Variants in SNX4 observed in about 807,000 individuals in gnomAD.
SNX4 encodes sorting nexin-4.
In SNX4, 49 loss-of-function variants were observed where a neutral mutation model predicts 70.8. That is an observed-to-expected ratio of 0.69 (90% confidence interval 0.55 to 0.88). SNX4 has a LOEUF of 0.88. SNX4 is among the 40% of genes least tolerant of loss of function. SNX4 has a pLI of 0.00. For synonymous variants in SNX4, 206 were observed against 183.8 expected, an observed-to-expected ratio of 1.12 and a Z score of -0.98; for missense variants, 528 against 544.8, an observed-to-expected ratio of 0.97 and a Z score of 0.31.
chr3:125,456,984 A>T (rs1232521369), intron 11 of SNX4, among the ~76,000 whole-genome samples: 2 of 151,582 alleles, frequency 1.3e-5, no homozygotes, highest in Non-Finnish European at 2.9e-5. Context: ...TTTTTTTAAA[A>T]CGAAACCGGA....
In SNX4 at chr3:125,476,742, T is replaced by TCG; in HGVS notation, c.739_740dup (p.Leu248AspfsTer22). ...CATGTACTTTATATACACCATAGAG[T>TCG]CGATCTGCTACTCTCTGAAATAAAT... On this transcript the variant is annotated frameshift_variant, in exon 8 of 14. Coordinates refer to ENST00000251775, the MANE Select transcript of SNX4 (RefSeq NM_003794.4). LOFTEE classifies it high-confidence loss of function. 6.3e-7 allele frequency: 1 copy of TCG among 1,592,684 alleles called. No individual in the cohort carries two copies. The highest frequency in any genetic ancestry group is 8.6e-7 in the Non-Finnish European group (1 of 1,163,668).
At chr3:125,453,691 C>T (rs1196705454) in intron 12 of SNX4, 119 bp downstream of exon 12, 10 of 924,410 alleles carry the variant, frequency 1.1e-5, no homozygotes, top group Non-Finnish European at 1.5e-5. Context: ...AAGGAATAGG[C>T]TGTATTCAGG....
chr3:125,519,113 C>A (rs1334709902), intron 1 of SNX4, among the ~76,000 whole-genome samples: 1 of 152,010 alleles, frequency 6.6e-6, no homozygotes, highest in East Asian at 1.9e-4. Flanking sequence ...ATTGTTTGAG[C>A]CTGGGGGGTC....
At chr3:125,519,905 C>A in intron 1 of SNX4, 127 bp downstream of exon 1, 1 of 866,270 alleles carries the variant, frequency 1.2e-6, no homozygotes, top group East Asian at 3.3e-5. Context: ...CCTCGCTCCC[C>A]CTCACTGCTG....
chr3:125,460,936 T>C, intron 9 of SNX4, 76 bp from the exon 10 acceptor site: 1 of 717,696 alleles, frequency 1.4e-6, no homozygotes, highest in Non-Finnish European at 2.2e-6. Flanking sequence ...TCTAGAGAAG[T>C]GCAATTAGGC....
chr3:125,460,891 A>AAATG (rs1553725251), intron 9 of SNX4, 31 bp from the exon 10 acceptor site: 1 of 1,119,272 alleles, frequency 8.9e-7, no homozygotes, highest in Non-Finnish European at 1.3e-6. Context: ...CACATTGCAT[A>AAATG]GAGTTACTTT....
intron 2 of SNX4, among the ~76,000 whole-genome samples, chr3:125,499,234 A>G (rs748949206): frequency 1.3e-5 from 2 of 152,200 alleles, no homozygotes; most frequent in Non-Finnish European, 2.9e-5. Flanking sequence ...ACCTATTAGG[A>G]AGCACCAGTC....
At chr3:125,482,800 C>G (rs1015947878) in intron 6 of SNX4, among the ~76,000 whole-genome samples, 1 of 151,910 alleles carries the variant, frequency 6.6e-6, no homozygotes, top group Admixed American at 6.6e-5. Context: ...AATACTTAAC[C>G]ACTCTTACTC....
At chr3:125,459,392 A>G (rs1483598498) in intron 10 of SNX4, among the ~76,000 whole-genome samples, 1 of 152,110 alleles carries the variant, frequency 6.6e-6, no homozygotes, top group African/African-American at 2.4e-5. Context: ...AACATACATT[A>G]ATCCCTTTTA....
intron 8 of SNX4, among the ~76,000 whole-genome samples, chr3:125,471,395 G>A (rs9814077): frequency 0.48 from 63,130 of 130,766 alleles, 14,434 homozygotes; most frequent in African/African-American, 0.6. Context: ...TACCATACAT[G>A]TAATTAAAAA....
chr3:125,480,302 T>A lies in SNX4; in HGVS notation c.671A>T (p.Lys224Met), dbSNP rs768752977. ...KNPDKRFTDL[K>M]HYSDELQSVI... Reference sequence around the variant, plus strand: ...AGACTGCAGTTCATCACTATAGTGCTTAAGGTCAGTAAATCTCCTGAAACA... The same window carrying A: ...AGACTGCAGTTCATCACTATAGTGCATAAGGTCAGTAAATCTCCTGAAACA... The change falls in exon 7 of 14, where the codon AAG becomes ATG. Residue 224 changes from lysine (K) to methionine (M), a missense_variant. Around this residue, in one of 3 missense-constraint regions of SNX4, gnomAD observed 341 missense variants for 312.2 expected, o/e 1.09. Coordinates refer to ENST00000251775, the MANE Select transcript of SNX4 (RefSeq NM_003794.4). 2 of 1,539,376 alleles carry A rather than the reference T, an allele frequency of 1.3e-6. No individual in the cohort carries two copies. Among genetic ancestry groups the A allele is most frequent in the Non-Finnish European group, 1.8e-6 (2 of 1,136,876 alleles).
intron 5 of SNX4, among the ~76,000 whole-genome samples, chr3:125,491,672 G>A (rs945238103): frequency 2.6e-5 from 4 of 152,012 alleles, no homozygotes; most frequent in African/African-American, 9.7e-5. Flanking sequence ...ATAGGTTATC[G>A]CCCACCTAAT....
chr3:125,480,222 C>CA, intron 7 of SNX4, 25 bp downstream of exon 7: 1 of 1,471,998 alleles, frequency 6.8e-7, no homozygotes, highest in Non-Finnish European at 9.1e-7. Flanking sequence ...GCATGTGCAT[C>CA]AAAAAGCTTT....
chr3:125,519,620 G>A (rs1396480784), intron 1 of SNX4, among the ~76,000 whole-genome samples: 1 of 151,914 alleles, frequency 6.6e-6, no homozygotes, highest in Non-Finnish European at 1.5e-5. Context: ...CTACTCCCCA[G>A]CAAAACCCCT....
intron 2 of SNX4, among the ~76,000 whole-genome samples, chr3:125,502,593 G>A (rs922679935): frequency 9.2e-5 from 14 of 151,726 alleles, no homozygotes; most frequent in African/African-American, 1.9e-4. Context: ...AACATTGGCC[G>A]GATGCGGTGG....
At chr3:125,504,503 A>T (rs2107565505) in intron 2 of SNX4, 120 bp downstream of exon 2, 2 of 980,344 alleles carry the variant, frequency 2.0e-6, no homozygotes, top group East Asian at 5.0e-5. Flanking sequence ...TAAAGAAACA[A>T]AGTCAATCCC....
At chr3:125,519,127 G>A (rs1289347393) in intron 1 of SNX4, among the ~76,000 whole-genome samples, 1 of 152,106 alleles carries the variant, frequency 6.6e-6, no homozygotes, top group African/African-American at 2.4e-5. Flanking sequence ...GGGGGTCGAG[G>A]GTGAAGTGAG....
intron 13 of SNX4, chr3:125,448,944 TG>T (rs1559806866): frequency 6.6e-6 from 1 of 152,142 alleles, no homozygotes; most frequent in Non-Finnish European, 1.5e-5. Flanking sequence ...CCCAAAATGC[TG>T]GGATTACAGG....
At chr3:125,487,745 T>A (rs1012746529) in intron 6 of SNX4, among the ~76,000 whole-genome samples, 3 of 149,572 alleles carry the variant, frequency 2.0e-5, no homozygotes, top group Non-Finnish European at 4.4e-5. Flanking sequence ...ATACTGTATA[T>A]GATGTGACAT....
Sources: gnomAD v4.1 joint callset for allele counts (sites outside exome capture counted in the v4.1 genomes callset) on GRCh38, gnomAD v4.1.1 for gene constraint, gnomAD v4.1.1 regional missense constraint, MANE v1.5 for transcripts, NCBI Gene and HGNC (gene_info 2026-07-23, HGNC 2026-07-21) for gene names.